The following KLHL3 variants were observed in gnomAD, a reference collection of about 807,000 sequenced individuals.
KLHL3 encodes the protein kelch-like protein 3.
Under a neutral mutation model 70.5 loss-of-function variants are expected in KLHL3, and 19 were observed. The ratio of observed to expected loss-of-function variants is 0.27; its 90% CI spans 0.19 to 0.40. KLHL3 has a LOEUF of 0.40. KLHL3 is among the 10% of genes least tolerant of loss of function. KLHL3 has a pLI of 1.00. For missense variants in KLHL3, 512 were observed against 771.1 expected (o/e 0.66, Z 3.98); for synonymous variants, 258 against 290.3 (o/e 0.89, Z 1.13).
chr5:137,639,852 C>G lies in KLHL3; in HGVS notation c.1021+8G>C. 1.2e-6 allele frequency: 2 copies of G among 1,608,294 alleles called. No homozygotes were observed. The highest frequency in any genetic ancestry group is 1.7e-6 in the Non-Finnish European group (2 of 1,174,736). ...AAAAACAGCTTGCAGAACTGGGAGG[C>G]TGCTCACCTGCTCTGCATCTTCTGG... On this transcript the variant is annotated splice_region_variant and intron_variant, in intron 9 of 14. Coordinates refer to ENST00000309755, the MANE Select transcript of KLHL3 (RefSeq NM_017415.3). The surrounding 1 kb of genome is among the most constrained non-coding windows in gnomAD (Gnocchi z 5.0).
Position 137,617,780 on chromosome 5 carries a change from G to C in KLHL3, c.*4318C>G, listed in dbSNP as rs1756265046. On this transcript the variant is annotated 3_prime_UTR_variant, in exon 15 of 15. Transcript: ENST00000309755. ...GCACCCACACAGACATACACATTCA[G>C]TGTCTTCAGTTTTCTTTCAACGAAA... 1 of 152,142 alleles carries C rather than the reference G, an allele frequency of 6.6e-6. No homozygotes were observed. Among genetic ancestry groups the C allele is most frequent in the Non-Finnish European group, 1.5e-5 (1 of 68,046 alleles). 9.4% of individuals were successfully genotyped at this position (152,142 alleles called of 1,614,324 possible). A position where few individuals can be genotyped will look rare whatever the true frequency, so the allele number is the denominator to read the frequency against.
intron 8 of KLHL3, among the ~76,000 whole-genome samples, chr5:137,647,801 G>A (rs1329027377): frequency 2.0e-5 from 3 of 152,154 alleles, no homozygotes; most frequent in Non-Finnish European, 4.4e-5. Flanking sequence ...GGCAAGGCCC[G>A]GGGGGAGAGA....
intron 1 of KLHL3, among the ~76,000 whole-genome samples, chr5:137,735,143 C>T (rs1753240158): frequency 6.6e-6 from 1 of 152,140 alleles, no homozygotes; most frequent in Admixed American, 6.5e-5. Context: ...TGCACGCGCG[C>T]ACACACACAG....
chr5:137,658,425 T>G, intron 7 of KLHL3, 145 bp from the exon 8 acceptor site: 1 of 776,526 alleles, frequency 1.3e-6, no homozygotes, highest in Non-Finnish European at 2.2e-6. Flanking sequence ...TACAACTTAC[T>G]GCTCACCTCC....
intron 6 of KLHL3, among the ~76,000 whole-genome samples, chr5:137,664,187 A>G (rs951407873): frequency 6.6e-6 from 1 of 151,824 alleles, no homozygotes; most frequent in Non-Finnish European, 1.5e-5. Context: ...CCCTATCTCT[A>G]CAAGATACAA....
chr5:137,671,976 T>A (rs1304823115), intron 6 of KLHL3: 5 of 151,860 alleles, frequency 3.3e-5, no homozygotes, highest in Non-Finnish European at 7.4e-5. Context: ...AAATGATGAG[T>A]GAAACATACC....
chr5:137,648,884 C>T (rs957932898), intron 8 of KLHL3, among the ~76,000 whole-genome samples: 1 of 152,208 alleles, frequency 6.6e-6, no homozygotes, highest in African/African-American at 2.4e-5. Flanking sequence ...CTTGGAATTC[C>T]TATGCCTGCT....
chr5:137,724,545 T>G (rs1248707507), intron 1 of KLHL3, among the ~76,000 whole-genome samples: 1 of 152,166 alleles, frequency 6.6e-6, no homozygotes, highest in Non-Finnish European at 1.5e-5. Flanking sequence ...TAATTCACAC[T>G]AGAGCCTCCG....
In KLHL3 at chr5:137,663,218, G is replaced by A. The variant is rs539422042; in HGVS notation, c.637-1187C>T. Among the ~76,000 whole-genome samples, 29 of 151,854 alleles carry A rather than the reference G, an allele frequency of 1.9e-4. 1 individual carries two copies. The highest frequency in any genetic ancestry group is 5.8e-4 in the East Asian group (3 of 5,154). On this transcript the variant is annotated intron_variant, in intron 6 of 14. Transcript: ENST00000309755. ...ATTACAGGTGTACACCACTACACCC[G>A]GCTAATTTTTGTATTTTTAGTAGAG...
Position 137,669,736 on chromosome 5 carries a change from GA to G in KLHL3, c.637-7706del, listed in dbSNP as rs1343507378. Among the ~76,000 whole-genome samples the G allele has an allele frequency of 6.4e-4, 97 of 152,284 alleles. 2 individuals carry two copies. Among genetic ancestry groups the G allele is most frequent in the African/African-American group, 2.3e-3 (94 of 41,570 alleles). ...ATGGTAGACTGAGCTGCTCTGGAAGGAATCTTTCCCTGTAGCTCCAAACACG... is the reference window on the plus strand; with the variant it reads ...ATGGTAGACTGAGCTGCTCTGGAAGGATCTTTCCCTGTAGCTCCAAACACG... On this transcript the variant is annotated intron_variant, in intron 6 of 14. Coordinates refer to ENST00000309755, the MANE Select transcript of KLHL3 (RefSeq NM_017415.3).
chr5:137,665,032 T>A (rs1241008194), intron 6 of KLHL3, among the ~76,000 whole-genome samples: 1 of 152,126 alleles, frequency 6.6e-6, no homozygotes, highest in African/African-American at 2.4e-5. Flanking sequence ...AGACACAGTA[T>A]CTCCTAAGTA....
At chr5:137,685,763 T>C (rs1752147538) in intron 5 of KLHL3, among the ~76,000 whole-genome samples, 1 of 152,218 alleles carries the variant, frequency 6.6e-6, no homozygotes. Context: ...ACATGAATGC[T>C]TGAGCTATCA....
At chr5:137,730,250 G>A (rs557412425) in intron 1 of KLHL3, among the ~76,000 whole-genome samples, 4 of 152,248 alleles carry the variant, frequency 2.6e-5, no homozygotes, top group Admixed American at 6.5e-5. Context: ...CCACTGACTC[G>A]GGATAATGTC....
intron 8 of KLHL3, chr5:137,647,445 C>T (rs1311809636): frequency 4.4e-6 from 2 of 455,062 alleles, no homozygotes; most frequent in Middle Eastern, 3.3e-4. Context: ...CTCAGGACTA[C>T]ATAGGTCATT....
At chr5:137,622,383 A>G (rs1750335099) in intron 14 of KLHL3, among the ~76,000 whole-genome samples, 2 of 152,332 alleles carry the variant, frequency 1.3e-5, no homozygotes, top group Admixed American at 1.3e-4. Flanking sequence ...CTGTGTCATC[A>G]CATGGACTCA....
chr5:137,623,647 C>T (rs916302257), intron 14 of KLHL3, among the ~76,000 whole-genome samples: 10 of 152,230 alleles, frequency 6.6e-5, no homozygotes, highest in African/African-American at 2.4e-4. Context: ...AAAACCACCA[C>T]TGTCTTTTTG....
chr5:137,732,171 T>C (rs1415243668), intron 1 of KLHL3, among the ~76,000 whole-genome samples: 1 of 152,168 alleles, frequency 6.6e-6, no homozygotes. Flanking sequence ...CTTCTCTACA[T>C]TCACACTCAC....
intron 1 of KLHL3, among the ~76,000 whole-genome samples, chr5:137,732,337 C>T (rs1753191890): frequency 6.6e-6 from 1 of 151,810 alleles, no homozygotes; most frequent in African/African-American, 2.4e-5. Flanking sequence ...CCAGGAGAGA[C>T]CTGGAAATCT....
chr5:137,688,883 G>A (rs1156624119), intron 5 of KLHL3, among the ~76,000 whole-genome samples: 3 of 152,204 alleles, frequency 2.0e-5, no homozygotes, highest in Admixed American at 6.5e-5. Context: ...TGCATACACA[G>A]ACCCATAATG....
Sources: allele counts gnomAD v4.1 joint callset (sites outside exome capture counted in the v4.1 genomes callset), GRCh38; gene constraint gnomAD v4.1.1; non-coding constraint Gnocchi (gnomAD v3.1); transcripts MANE v1.5; gene names NCBI Gene and HGNC (gene_info 2026-07-23, HGNC 2026-07-21).